ZFHX3: variants seen among roughly 807,000 people sequenced by gnomAD.
The protein encoded by ZFHX3 is zinc finger homeobox 3, also known as zinc finger homeobox protein 3.
ZFHX3 carries 42 observed loss-of-function variants against 279.1 expected under a neutral mutation model. The observed-to-expected ratio is 0.15, with a 90% CI of 0.12 to 0.19. The LOEUF is 0.19. Among genes scored for constraint, ZFHX3 ranks in the 10% least tolerant of loss-of-function variants. ZFHX3 has a pLI of 1.00. For synonymous variants in ZFHX3, 2,293 were observed against 1,957.8 expected (o/e 1.17, Z -4.52); for missense variants, 4,981 against 4,754.0 (o/e 1.05, Z -1.40).
chr16:73,399,033 A>ATTTTTT (rs531100796), intron 3 of ZFHX3, among the ~76,000 whole-genome samples: 1 of 139,556 alleles, frequency 7.2e-6, no homozygotes, highest in Non-Finnish European at 1.5e-5. Flanking sequence ...CCCCCCGCTA[A>ATTTTTT]TTTTTTTTTT....
intron 8 of ZFHX3, among the ~76,000 whole-genome samples, chr16:73,085,823 G>A (rs1475208100): frequency 6.6e-6 from 1 of 151,818 alleles, no homozygotes; most frequent in African/African-American, 2.4e-5. Flanking sequence ...AGCAAAATTA[G>A]AAAAATGGAA....
chr16:73,278,375 T>C lies in ZFHX3; in HGVS notation c.-1193-21239A>G, dbSNP rs145458174. On this transcript the variant is annotated intron_variant, in intron 4 of 17. Transcript: ENST00000641206. ...AACGATGGAGGAAGAAAGTTGTGGTTGCTTGCTTGCTTGTAATGTGTCTGG... is the reference window on the plus strand; with the variant it reads ...AACGATGGAGGAAGAAAGTTGTGGTCGCTTGCTTGCTTGTAATGTGTCTGG... 7.0e-4 allele frequency among the ~76,000 whole-genome samples: 107 copies of C among 152,332 alleles called. No homozygotes were observed. In the East Asian group the frequency reaches 0.02, roughly 28 times the overall value.
At chr16:73,194,530 G>A (rs1968103827) in intron 5 of ZFHX3, among the ~76,000 whole-genome samples, 1 of 152,102 alleles carries the variant, frequency 6.6e-6, no homozygotes, top group African/African-American at 2.4e-5. Context: ...AGGTCACCAG[G>A]ATCATCCAAG....
intron 5 of ZFHX3, among the ~76,000 whole-genome samples, chr16:73,166,852 C>A (rs933894911): frequency 2.6e-5 from 4 of 152,182 alleles, no homozygotes; most frequent in African/African-American, 9.7e-5. Context: ...TGAGGACCCT[C>A]CAGACAGGGA....
intron 2 of ZFHX3, among the ~76,000 whole-genome samples, chr16:73,588,005 C>A (rs2051945112): frequency 6.6e-6 from 1 of 152,100 alleles, no homozygotes; most frequent in African/African-American, 2.4e-5. Flanking sequence ...CAGTGGGCCA[C>A]AAACGGTAAA....
rs745713072 is a variant in ZFHX3 at position 72,959,654 on chromosome 16, CCCACTG to C, written c.486_491del (p.Ser163_Gly164del). On this transcript the variant is annotated inframe_deletion, in exon 2 of 10. Transcript: ENST00000268489. Reference sequence around the variant, plus strand: ...AGTTCAGGAAAAGCGAGGGGAGAGGCCCACTGCCACTGCCACTCCCACAGGCGCCCC... The same window carrying C: ...AGTTCAGGAAAAGCGAGGGGAGAGGCCCACTGCCACTCCCACAGGCGCCCC... The C allele has an allele frequency of 1.5e-4, 244 of 1,613,798 alleles. No homozygotes were observed. Among genetic ancestry groups the C allele is most frequent in the Non-Finnish European group, 1.9e-4 (228 of 1,180,012 alleles).
In ZFHX3 at chr16:73,399,837, GGT is replaced by G. The variant is rs4011546; in HGVS notation, c.-1291+56164_-1291+56165del. 1.7e-3 allele frequency among the ~76,000 whole-genome samples: 253 copies of G among 148,246 alleles called. 3 individuals carry two copies. Among genetic ancestry groups the G allele is most frequent in the Admixed American group, 8.9e-3 (133 of 14,874 alleles). ...GTGTGGTGTGTGGAGTGTGGTGTGT[GGT>G]GTGTGTGTGTGTGTGTGTGTGTGTG... On this transcript the variant is annotated intron_variant, in intron 3 of 17. Coordinates refer to the ZFHX3 transcript ENST00000641206.
At chr16:73,088,296 C>T (rs1340772533) in intron 8 of ZFHX3, among the ~76,000 whole-genome samples, 2 of 152,120 alleles carry the variant, frequency 1.3e-5, no homozygotes, top group Middle Eastern at 3.4e-3. Flanking sequence ...CAGCTGTGTG[C>T]CACCATGCCC....
At chr16:73,809,866 G>C (rs1288027060) in intron 1 of ZFHX3, 1 of 152,264 alleles carries the variant, frequency 6.6e-6, no homozygotes, top group Non-Finnish European at 1.5e-5. Flanking sequence ...ACTTTGCCTG[G>C]TAAAAATGTC....
rs746902281 is a variant in ZFHX3 at position 72,889,931 on chromosome 16, C to T, written c.3248G>A (p.Gly1083Asp). The change falls in exon 4 of 10, where the codon GGT becomes GAT. Residue 1083 changes from glycine (G) to aspartate (D), a missense_variant. Physicochemically the swap from Gly to Asp is moderately conservative, Grantham distance 94 (BLOSUM62 -1). Coordinates refer to ENST00000268489, the MANE Select transcript of ZFHX3 (RefSeq NM_006885.4). ...HLQQHESGVEGESCYYHCVLC... is the reference protein window; with the variant it reads ...HLQQHESGVEDESCYYHCVLC... ...AACGCAGTGGTAGTAGCAGCTCTCA[C>T]CTTCTACACCACTCTCATGCTGCTG... 42 of 1,613,892 alleles carry T rather than the reference C, an allele frequency of 2.6e-5. No individual in the cohort carries two copies. In the Admixed American group the frequency reaches 4.3e-4, roughly 17 times the overall value.
chr16:73,130,604 A>G (rs146556311), intron 7 of ZFHX3, among the ~76,000 whole-genome samples: 5 of 152,306 alleles, frequency 3.3e-5, no homozygotes, highest in African/African-American at 1.2e-4. Flanking sequence ...TAACAACAAA[A>G]CAAAACAATA....
chr16:73,166,505 C>T (rs1185668831), intron 5 of ZFHX3, among the ~76,000 whole-genome samples: 1 of 152,026 alleles, frequency 6.6e-6, no homozygotes, highest in Non-Finnish European at 1.5e-5. Flanking sequence ...AGAGAGCAGT[C>T]AACTCAGCTC....
At chr16:73,418,512 C>T (rs138059681) in intron 3 of ZFHX3, among the ~76,000 whole-genome samples, 1 of 152,240 alleles carries the variant, frequency 6.6e-6, no homozygotes, top group African/African-American at 2.4e-5. Flanking sequence ...GAAATGTGTT[C>T]TTGGAAATGT....
At chr16:73,373,146 G>A (rs867724464) in intron 3 of ZFHX3, among the ~76,000 whole-genome samples, 4 of 152,022 alleles carry the variant, frequency 2.6e-5, no homozygotes, top group South Asian at 2.1e-4. Flanking sequence ...GAGGTTTGGG[G>A]GGGGGGTGGT....
intron 3 of ZFHX3, among the ~76,000 whole-genome samples, chr16:73,453,031 C>A (rs956469632): frequency 1.3e-5 from 2 of 150,334 alleles, no homozygotes; most frequent in African/African-American, 4.9e-5. Context: ...TACCTACCTA[C>A]AAACCCACCC....
At chr16:73,200,280 A>G (rs989688841) in intron 5 of ZFHX3, among the ~76,000 whole-genome samples, 6 of 152,172 alleles carry the variant, frequency 3.9e-5, no homozygotes, top group African/African-American at 1.4e-4. Context: ...TCAAAAGTTT[A>G]TAATTAAAAA....
At chr16:72,877,644 C>CGGTG (rs2038349914) in intron 4 of ZFHX3, among the ~76,000 whole-genome samples, 1 of 152,044 alleles carries the variant, frequency 6.6e-6, no homozygotes, top group African/African-American at 2.4e-5. Context: ...CATACTTGGG[C>CGGTG]GGTGAGTCAC....
At chr16:73,477,735 T>A (rs2018788823) in intron 2 of ZFHX3, among the ~76,000 whole-genome samples, 1 of 152,196 alleles carries the variant, frequency 6.6e-6, no homozygotes, top group African/African-American at 2.4e-5. Flanking sequence ...TATATCTGGG[T>A]ACACTTCACA....
intron 7 of ZFHX3, among the ~76,000 whole-genome samples, chr16:72,810,024 G>A (rs958060166): frequency 2.8e-5 from 4 of 144,768 alleles, no homozygotes; most frequent in Admixed American, 2.1e-4. Context: ...GACTACAGGC[G>A]CCTGCCACCA....
Sources: gnomAD v4.1 joint callset for allele counts (sites outside exome capture counted in the v4.1 genomes callset) on GRCh38, gnomAD v4.1.1 for gene constraint, MANE v1.5 for transcripts, NCBI Gene and HGNC (gene_info 2026-07-23, HGNC 2026-07-21) for gene names.